Variants in GABRG3 observed in about 807,000 individuals in gnomAD.
GABRG3 encodes the protein gamma-aminobutyric acid receptor subunit gamma-3.
Under a neutral mutation model 48.8 loss-of-function variants are expected in GABRG3, and 25 were observed. The observed-to-expected ratio is 0.51, with a 90% confidence interval of 0.37 to 0.72. The LOEUF (loss-of-function observed/expected upper bound fraction) is 0.72, where lower values mean the gene tolerates loss of function less well. GABRG3 is among the 30% of genes least tolerant of loss of function. GABRG3 has a pLI of 0.00. For synonymous variants in GABRG3, 227 were observed against 217.6 expected, an observed-to-expected ratio of 1.04 and a Z score of -0.38; for missense variants, 394 against 577.9, an observed-to-expected ratio of 0.68 and a Z score of 3.26.
chr15:27,194,535 G>T (rs1187914099), intron 3 of GABRG3, among the ~76,000 whole-genome samples: 1 of 152,150 alleles, frequency 6.6e-6, no homozygotes, highest in African/African-American at 2.4e-5. Context: ...ACTAAATGTA[G>T]AATTCATAGT....
At chr15:27,145,191 A>G (rs1238102970) in intron 3 of GABRG3, among the ~76,000 whole-genome samples, 1 of 152,078 alleles carries the variant, frequency 6.6e-6, no homozygotes, top group Non-Finnish European at 1.5e-5. Context: ...CGTCAATAGA[A>G]ACTGTCCATG....
At chr15:27,216,460 A>C (rs147656488) in intron 3 of GABRG3, among the ~76,000 whole-genome samples, 59 of 152,338 alleles carry the variant, frequency 3.9e-4, no homozygotes, top group Non-Finnish European at 5.7e-4. Context: ...CTACATCTGC[A>C]AGGCAGGACC....
At chr15:27,494,438 G>A (rs1890433639) in intron 6 of GABRG3, among the ~76,000 whole-genome samples, 1 of 152,004 alleles carries the variant, frequency 6.6e-6, no homozygotes, top group South Asian at 2.1e-4. Flanking sequence ...TTCTTTAAAT[G>A]TTTGGTAGGA....
chr15:27,083,578 G>A (rs759370746), intron 3 of GABRG3, among the ~76,000 whole-genome samples: 9 of 151,820 alleles, frequency 5.9e-5, no homozygotes, highest in African/African-American at 9.7e-5. Flanking sequence ...CACCTGCCTC[G>A]GCCTCCCAAA....
intron 3 of GABRG3, among the ~76,000 whole-genome samples, chr15:27,296,607 G>C (rs2140489949): frequency 6.6e-6 from 1 of 152,106 alleles, no homozygotes; most frequent in Non-Finnish European, 1.5e-5. Context: ...GATTATAATG[G>C]AAATGAAAAA....
intron 3 of GABRG3, among the ~76,000 whole-genome samples, chr15:27,036,661 G>A (rs1896184651): frequency 6.6e-6 from 1 of 152,110 alleles, no homozygotes. Flanking sequence ...TTACGCTGCA[G>A]GCTGGGCGAC....
chr15:27,122,893 T>C (rs1346059876), intron 3 of GABRG3, among the ~76,000 whole-genome samples: 1 of 152,186 alleles, frequency 6.6e-6, no homozygotes, highest in Non-Finnish European at 1.5e-5. Context: ...GAAAAGAGGC[T>C]GTGTTTAGCA....
chr15:27,213,232 A>G (rs1006738365), intron 3 of GABRG3, among the ~76,000 whole-genome samples: 1 of 152,194 alleles, frequency 6.6e-6, no homozygotes, highest in African/African-American at 2.4e-5. Flanking sequence ...ACTAGTCACA[A>G]CTAGTGAGAG....
intron 3 of GABRG3, among the ~76,000 whole-genome samples, chr15:27,192,733 G>A (rs185249621): frequency 3.2e-4 from 48 of 152,186 alleles, no homozygotes; most frequent in South Asian, 6.2e-4. Context: ...GTCATTCTCC[G>A]TCCAGCTTTG....
intron 3 of GABRG3, among the ~76,000 whole-genome samples, chr15:27,252,437 A>G (rs1229948710): frequency 2.6e-5 from 4 of 152,176 alleles, no homozygotes; most frequent in African/African-American, 9.7e-5. Context: ...GGAGCCACAC[A>G]ATGTCCTGTG....
chr15:27,506,853 GT>G (rs756195214), intron 6 of GABRG3, among the ~76,000 whole-genome samples: 2 of 149,834 alleles, frequency 1.3e-5, no homozygotes, highest in African/African-American at 4.9e-5. Context: ...CATTTCTCTG[GT>G]TTTTTTTCAC....
intron 5 of GABRG3, among the ~76,000 whole-genome samples, chr15:27,409,313 A>G (rs955618510): frequency 2.0e-5 from 3 of 152,174 alleles, no homozygotes; most frequent in Admixed American, 2.0e-4. Context: ...GGGGCTATGA[A>G]TGTCCAATTT....
At chr15:26,992,475 G>A (rs1221955903) in intron 2 of GABRG3, among the ~76,000 whole-genome samples, 1 of 152,064 alleles carries the variant, frequency 6.6e-6, no homozygotes, top group Non-Finnish European at 1.5e-5. Flanking sequence ...TCAGCATGAA[G>A]TGATCATATG....
At chr15:27,459,007 C>G (rs1312712205) in intron 5 of GABRG3, among the ~76,000 whole-genome samples, 2 of 152,192 alleles carry the variant, frequency 1.3e-5, no homozygotes, top group East Asian at 3.9e-4. Flanking sequence ...CTTCCAACAC[C>G]CTTAAGTCTT....
At chr15:27,460,674 C>A (rs189604732) in intron 5 of GABRG3, among the ~76,000 whole-genome samples, 28 of 152,180 alleles carry the variant, frequency 1.8e-4, no homozygotes, top group Admixed American at 1.6e-3. Context: ...GATTTGTGAT[C>A]GGCTAAGGAA....
intron 3 of GABRG3, among the ~76,000 whole-genome samples, chr15:27,193,868 C>G (rs933501538): frequency 6.6e-6 from 1 of 152,134 alleles, no homozygotes; most frequent in African/African-American, 2.4e-5. Context: ...CTTGGCTCCT[C>G]CCCCGCTTCG....
At position 27,534,745 on chromosome 15, in the gene GABRG3, GCTTATTC is replaced by G. The variant is rs1463093024; in HGVS notation, c.*1867_*1873del. The stretch of plus-strand genomic sequence containing the variant: ...AGAAAAAGTGAAATTAGATTCATCT[GCTTATTC>G]CTATTAAGATTGTTGCATATTAAAC... On this transcript the variant is annotated 3_prime_UTR_variant, in exon 10 of 10. Transcript: ENST00000615808. 6.6e-6 allele frequency: 1 copy of G among 152,208 alleles called. No individual in the cohort carries two copies. Among genetic ancestry groups the G allele is most frequent in the Non-Finnish European group, 1.5e-5 (1 of 68,038 alleles). The allele number at this position is 152,208 out of a possible 1,614,324, so 9.4% of individuals were successfully genotyped here.
At position 26,975,199 on chromosome 15, in the gene GABRG3, G is replaced by A. The variant is rs1034886954; in HGVS notation, c.54-1803G>A. On this transcript the variant is annotated intron_variant, in intron 1 of 9. Transcript: ENST00000615808. This position sits in a 1 kb window ranked among gnomAD's most constrained non-coding sequence, Gnocchi z 4.6. Reference sequence around the variant, plus strand: ...GCCAGATGACATGAAATATTTTAGAGTAACATTTAAAATTCTGTAGTATTA... The same window carrying A: ...GCCAGATGACATGAAATATTTTAGAATAACATTTAAAATTCTGTAGTATTA... Among the ~76,000 whole-genome samples, 1 of 152,070 alleles carries A rather than the reference G, an allele frequency of 6.6e-6. No individual in the cohort carries two copies. Among genetic ancestry groups the A allele is most frequent in the Non-Finnish European group, 1.5e-5 (1 of 68,006 alleles).
At chr15:27,273,865 A>G (rs1417303509) in intron 3 of GABRG3, among the ~76,000 whole-genome samples, 1 of 152,192 alleles carries the variant, frequency 6.6e-6, no homozygotes, top group African/African-American at 2.4e-5. Context: ...TAAAACAACA[A>G]ATGGGATCTT....
Sources: allele counts gnomAD v4.1 joint callset (sites outside exome capture counted in the v4.1 genomes callset), GRCh38; gene constraint gnomAD v4.1.1; non-coding constraint Gnocchi (gnomAD v3.1); transcripts MANE v1.5; gene names NCBI Gene and HGNC (gene_info 2026-07-23, HGNC 2026-07-21).